RNF17: variants seen among roughly 807,000 people sequenced by gnomAD.
The protein encoded by RNF17 is ring finger protein 17.
RNF17 carries 31 observed loss-of-function variants against 200.5 expected under a neutral mutation model. The ratio of observed to expected loss-of-function variants is 0.15; its 90% CI spans 0.12 to 0.21. The LOEUF is 0.21. RNF17 is among the 10% of genes least tolerant of loss of function. The pLI is 1.00. For synonymous variants in RNF17, 606 were observed against 637.8 expected (o/e 0.95, Z 0.75); for missense variants, 1,628 against 1,905.1 (o/e 0.85, Z 2.71).
intron 15 of RNF17, among the ~76,000 whole-genome samples, chr13:24,819,219 A>G (rs1341778751): frequency 1.3e-5 from 2 of 152,086 alleles, no homozygotes; most frequent in Non-Finnish European, 2.9e-5. Context: ...CCAGCACAAT[A>G]TTACTTCTGC....
intron 15 of RNF17, among the ~76,000 whole-genome samples, chr13:24,815,844 C>CAA (rs1237723216): frequency 7.9e-5 from 12 of 152,046 alleles, no homozygotes; most frequent in Non-Finnish European, 1.5e-4. Context: ...GTCTTTTCTC[C>CAA]TTCATCCTGT....
chr13:24,804,595 A>T (rs1276788708), intron 15 of RNF17, among the ~76,000 whole-genome samples, 166 bp downstream of exon 15: 1 of 152,236 alleles, frequency 6.6e-6, no homozygotes, highest in African/African-American at 2.4e-5. Flanking sequence ...ACAAGTTTAT[A>T]TGATTTATCA....
chr13:24,764,495 G>C (rs1879276189), intron 1 of RNF17, 162 bp downstream of exon 1: 2 of 682,986 alleles, frequency 2.9e-6, no homozygotes, highest in Non-Finnish European at 3.6e-6. Flanking sequence ...ACCTCTAAGA[G>C]GGCAGTGCTT....
intron 31 of RNF17, among the ~76,000 whole-genome samples, chr13:24,869,981 G>T (rs1037202615): frequency 8.0e-6 from 1 of 125,036 alleles, no homozygotes; most frequent in East Asian, 2.5e-4. Flanking sequence ...TCGCTCTGTC[G>T]CCCAGGCTGG....
At chr13:24,801,472 G>GT (rs1171822447) in intron 13 of RNF17, among the ~76,000 whole-genome samples, 2 of 152,106 alleles carry the variant, frequency 1.3e-5, no homozygotes, top group Non-Finnish European at 2.9e-5. Context: ...GTGAGACCCT[G>GT]TCTACCAAAA....
intron 18 of RNF17, among the ~76,000 whole-genome samples, chr13:24,833,753 A>C (rs778366892): frequency 6.6e-6 from 1 of 152,256 alleles, no homozygotes; most frequent in Non-Finnish European, 1.5e-5. Context: ...TCACCTGCAC[A>C]GCAGTAAAAT....
intron 9 of RNF17, among the ~76,000 whole-genome samples, chr13:24,790,398 C>T (rs1279196555): frequency 6.6e-6 from 1 of 152,034 alleles, no homozygotes; most frequent in Non-Finnish European, 1.5e-5. Flanking sequence ...ATGTTTGAAC[C>T]TTATGATCCA....
Position 24,802,476 on chromosome 13 carries a change from G to T in RNF17, c.1854G>T (p.Val618=). 6.2e-7 allele frequency: 1 copy of T among 1,613,900 alleles called. No homozygotes were observed. Among genetic ancestry groups the T allele is most frequent in the Non-Finnish European group, 8.5e-7 (1 of 1,179,810 alleles). ...SMKVFREEDG[V]LIVDLQKPPP... is the part of the protein sequence containing the mutation. Reference sequence around the variant, plus strand: ...AAGTTTTTAGAGAAGAAGATGGTGTGCTTATTGTAGATCTGCAAAAACCAC... The same window carrying T: ...AAGTTTTTAGAGAAGAAGATGGTGTTCTTATTGTAGATCTGCAAAAACCAC... Residue 618 remains valine, a synonymous_variant, in exon 14 of 36, where the codon GTG becomes GTT. Transcript: ENST00000255324.
chr13:24,850,000 G>A (rs563231052), intron 22 of RNF17, among the ~76,000 whole-genome samples: 4 of 152,226 alleles, frequency 2.6e-5, no homozygotes, highest in Non-Finnish European at 5.9e-5. Flanking sequence ...TTCTCTTGGA[G>A]TTTACAGTCT....
chr13:24,876,276 C>T (rs578184020), intron 33 of RNF17, among the ~76,000 whole-genome samples: 4 of 152,096 alleles, frequency 2.6e-5, no homozygotes, highest in Non-Finnish European at 5.9e-5. Context: ...TTTCCATGAA[C>T]TTTTTGAAGC....
chr13:24,817,286 C>G (rs769319828), intron 15 of RNF17, among the ~76,000 whole-genome samples: 3 of 152,092 alleles, frequency 2.0e-5, no homozygotes, highest in Non-Finnish European at 4.4e-5. Context: ...GTTTGAACCT[C>G]TTTACTAGTT....
chr13:24,837,270 T>C (rs952413926), intron 18 of RNF17, among the ~76,000 whole-genome samples: 1 of 152,068 alleles, frequency 6.6e-6, no homozygotes. Flanking sequence ...AGCAACACAA[T>C]AATAGTAGGG....
chr13:24,820,716 G>A (rs1448456715), intron 15 of RNF17, among the ~76,000 whole-genome samples: 3 of 152,150 alleles, frequency 2.0e-5, no homozygotes, highest in East Asian at 1.9e-4. Context: ...GATTACAGTC[G>A]TAGGCCACCA....
chr13:24,758,338 A>G, the RNF17 span, among the ~76,000 whole-genome samples: 18 of 152,320 alleles, frequency 1.2e-4, no homozygotes, highest in South Asian at 3.1e-3. Flanking sequence ...CAATTGTTCC[A>G]TGCGTTATCA....
intron 2 of RNF17, among the ~76,000 whole-genome samples, chr13:24,768,886 TA>T (rs903731253): frequency 6.6e-6 from 1 of 151,740 alleles, no homozygotes; most frequent in East Asian, 1.9e-4. Context: ...TAAATATGGT[TA>T]AAAAAAACCC....
intron 28 of RNF17, 99 bp downstream of exon 28, chr13:24,862,892 A>G (rs997066047): frequency 6.2e-6 from 4 of 642,914 alleles, no homozygotes; most frequent in South Asian, 2.3e-5. Context: ...AATGGTATAT[A>G]CCTTCTTATG....
chr13:24,808,904 A>T (rs1387849436), intron 15 of RNF17, among the ~76,000 whole-genome samples: 3 of 137,968 alleles, frequency 2.2e-5, no homozygotes, highest in Admixed American at 7.4e-5. Flanking sequence ...TGAGATAATC[A>T]TGTGGTTTTT....
rs568361797 is a variant in RNF17, at chr13:24,828,661, C to T, written c.2246-1823C>T. ...AATTCATACTCTGTGTAAATAAAGC[C>T]ATAAAGTATACTTTTTAAAATTCTA... On this transcript the variant is annotated intron_variant, in intron 16 of 35. Transcript: ENST00000255324. Among the ~76,000 whole-genome samples, 4 of 151,198 alleles carry T rather than the reference C, an allele frequency of 2.6e-5. No individual in the cohort carries two copies. In the East Asian group the frequency reaches 5.8e-4, roughly 22 times the overall value.
downstream of RNF17, among the ~76,000 whole-genome samples, chr13:24,881,260 C>T (rs1305124934): frequency 6.6e-6 from 1 of 152,034 alleles, no homozygotes; most frequent in African/African-American, 2.4e-5. Flanking sequence ...GATTGTCCTA[C>T]CTCCCAAGTA....
Sources: gnomAD v4.1 joint callset for allele counts (sites outside exome capture counted in the v4.1 genomes callset) on GRCh38, gnomAD v4.1.1 for gene constraint, MANE v1.5 for transcripts, NCBI Gene and HGNC (gene_info 2026-07-23, HGNC 2026-07-21) for gene names.